Variants in RAD51AP1 observed in about 807,000 individuals in gnomAD.
RAD51AP1 encodes RAD51 associated protein 1, also known as RAD51-associated protein 1.
Under a neutral mutation model 34.3 loss-of-function variants are expected in RAD51AP1, and 14 were observed. The observed-to-expected ratio is 0.41, with a 90% CI of 0.27 to 0.64. The LOEUF is 0.64. Among genes scored for constraint, RAD51AP1 ranks in the 30% least tolerant of loss-of-function variants. The pLI, the probability that RAD51AP1 is intolerant of heterozygous loss-of-function variation, is 0.33. For synonymous variants in RAD51AP1, 114 were observed against 129.8 expected (o/e 0.88, Z 0.83); for missense variants, 348 against 386.9 (o/e 0.90, Z 0.84).
intron 8 of RAD51AP1, 75 bp downstream of exon 8, chr12:4,556,577 T>C (rs1204495934): frequency 2.6e-6 from 4 of 1,517,170 alleles, no homozygotes; most frequent in Non-Finnish European, 3.6e-6. Flanking sequence ...GTTACAAACA[T>C]CATGTGTGAG....
intron 7 of RAD51AP1, among the ~76,000 whole-genome samples, chr12:4,554,308 G>A (rs577779770): frequency 1.2e-3 from 190 of 152,194 alleles, no homozygotes; most frequent in Non-Finnish European, 1.9e-3. Context: ...TCCTGCTCAC[G>A]TTTACTTATA....
intron 1 of RAD51AP1, among the ~76,000 whole-genome samples, chr12:4,540,430 C>T (rs866050068): frequency 1.3e-5 from 2 of 151,820 alleles, no homozygotes; most frequent in Non-Finnish European, 2.9e-5. Context: ...TTGCCTTTTT[C>T]GCTGCTTTGT....
At chr12:4,557,520 G>A (rs1030992621) in intron 8 of RAD51AP1, among the ~76,000 whole-genome samples, 11 of 152,140 alleles carry the variant, frequency 7.2e-5, no homozygotes, top group African/African-American at 2.7e-4. Flanking sequence ...AGAAGGAAAG[G>A]AGGGAAGATT....
intron 3 of RAD51AP1, chr12:4,545,165 TGCTA>T: frequency 2.3e-6 from 1 of 439,196 alleles, no homozygotes; most frequent in South Asian, 1.6e-5. Flanking sequence ...AATGTCTATC[TGCTA>T]ATGAATGGAT....
At chr12:4,558,789 T>C (rs1944600295) in intron 8 of RAD51AP1, 68 bp from the exon 9 acceptor site, 1 of 1,567,302 alleles carries the variant, frequency 6.4e-7, no homozygotes, top group Non-Finnish European at 8.7e-7. Flanking sequence ...TTGCTGCTTA[T>C]TTTATAAATT....
chr12:4,546,521 C>A, intron 4 of RAD51AP1, 103 bp downstream of exon 4: 1 of 736,578 alleles, frequency 1.4e-6, no homozygotes, highest in Non-Finnish European at 2.3e-6. Context: ...AATGTGAATA[C>A]TTTGCACTAT....
chr12:4,545,260 A>G (rs1483120803), intron 3 of RAD51AP1: 1 of 447,544 alleles, frequency 2.2e-6, no homozygotes, highest in African/African-American at 2.0e-5. Flanking sequence ...ATATACTGCA[A>G]TATGGATGAA....
At chr12:4,545,932 C>A in intron 3 of RAD51AP1, 3 of 1,381,622 alleles carry the variant, frequency 2.2e-6, no homozygotes, top group Non-Finnish European at 2.0e-6. Context: ...ATAAAATCTG[C>A]TAAAGGGGAG....
At chr12:4,540,019 G>A (rs533816752) in intron 1 of RAD51AP1, among the ~76,000 whole-genome samples, 1 of 152,262 alleles carries the variant, frequency 6.6e-6, no homozygotes, top group South Asian at 2.1e-4. Flanking sequence ...GTTTGGGATA[G>A]GGTATTATTA....
At chr12:4,555,070 G>A (rs1484387799) in intron 7 of RAD51AP1, among the ~76,000 whole-genome samples, 1 of 152,084 alleles carries the variant, frequency 6.6e-6, no homozygotes, top group Non-Finnish European at 1.5e-5. Flanking sequence ...TTAACATTAG[G>A]AAGAGTATAC....
chr12:4,545,222 T>C (rs371792666), intron 3 of RAD51AP1: 3 of 454,370 alleles, frequency 6.6e-6, no homozygotes, highest in African/African-American at 6.0e-5. Context: ...TTTTCAGCCA[T>C]AGAAAGAAAT....
intron 3 of RAD51AP1, among the ~76,000 whole-genome samples, chr12:4,545,484 TTGG>T (rs1944499439): frequency 6.6e-6 from 1 of 152,186 alleles, no homozygotes; most frequent in African/African-American, 2.4e-5. Context: ...TTAGGTAGTG[TTGG>T]TGGTTTTACA....
At chr12:4,545,239 T>G in intron 3 of RAD51AP1, 2 of 454,374 alleles carry the variant, frequency 4.4e-6, no homozygotes, top group Non-Finnish European at 8.9e-6. Flanking sequence ...AAATGACAAC[T>G]GATAACTGAT....
chr12:4,544,468 C>A (rs372565773), intron 3 of RAD51AP1, among the ~76,000 whole-genome samples: 1 of 151,908 alleles, frequency 6.6e-6, no homozygotes, highest in African/African-American at 2.4e-5. Context: ...AAGAGATGGG[C>A]GGAAGGGGAA....
intron 1 of RAD51AP1, 91 bp downstream of exon 1, chr12:4,539,047 G>A (rs1338044388): frequency 2.1e-6 from 3 of 1,452,030 alleles, no homozygotes; most frequent in East Asian, 4.6e-5. Context: ...AGACCGGAGG[G>A]CAGCGATGGT....
chr12:4,556,617 A>T (rs1591776243), intron 8 of RAD51AP1, 115 bp downstream of exon 8: 2 of 1,207,900 alleles, frequency 1.7e-6, no homozygotes, highest in Non-Finnish European at 2.3e-6. Context: ...ATATTCTTCA[A>T]AACCAAAGTT....
intron 6 of RAD51AP1, among the ~76,000 whole-genome samples, chr12:4,552,246 T>C (rs1189203029): frequency 6.6e-6 from 1 of 152,214 alleles, no homozygotes; most frequent in Non-Finnish European, 1.5e-5. Context: ...GGCATGGTTT[T>C]CTGATCCTAA....
intron 6 of RAD51AP1, among the ~76,000 whole-genome samples, chr12:4,550,065 GA>G (rs1944535267): frequency 6.6e-6 from 1 of 152,182 alleles, no homozygotes; most frequent in African/African-American, 2.4e-5. Context: ...TTGCAGAGAA[GA>G]TAAGTCTTTT....
chr12:4,556,690 AT>A, intron 8 of RAD51AP1, 188 bp downstream of exon 8: 1 of 636,154 alleles, frequency 1.6e-6, no homozygotes, highest in Non-Finnish European at 2.6e-6. Context: ...CAGGTTTATT[AT>A]TTTTTCAGTG....
Sources: allele counts gnomAD v4.1 joint callset (sites outside exome capture counted in the v4.1 genomes callset), GRCh38; gene constraint gnomAD v4.1.1; transcripts MANE v1.5; gene names NCBI Gene and HGNC (gene_info 2026-07-23, HGNC 2026-07-21).